Variants in CCNH observed in about 807,000 individuals in gnomAD.
CCNH encodes cyclin-H.
CCNH carries 31 observed loss-of-function variants against 41.9 expected under a neutral mutation model. The observed-to-expected ratio is 0.74, with a 90% confidence interval of 0.56 to 1.00. CCNH has a LOEUF of 1.00. CCNH is among the 50% of genes least tolerant of loss of function. CCNH has a pLI of 0.00. For missense variants in CCNH, 362 were observed against 388.4 expected (o/e 0.93, Z 0.57); for synonymous variants, 138 against 136.1 (o/e 1.01, Z -0.10).
intron 7 of CCNH, 71 bp from the exon 8 acceptor site, chr5:87,395,175 G>T (rs1762841174): frequency 7.3e-7 from 1 of 1,379,072 alleles, no homozygotes; most frequent in African/African-American, 1.4e-5. Context: ...AAATAAACTA[G>T]CAAGGCTATA....
chr5:87,412,413 A>G, intron 1 of CCNH: 1 of 1,240,086 alleles, frequency 8.1e-7, no homozygotes, highest in African/African-American at 1.5e-5. Context: ...CTTGCCACGC[A>G]CTACCTTAGC....
At chr5:87,316,300 G>C (rs1756331826), downstream of CCNH, among the ~76,000 whole-genome samples, 4 of 152,038 alleles carry the variant, frequency 2.6e-5, no homozygotes, top group Admixed American at 2.0e-4. Context: ...TCTTATTGAG[G>C]GCCAGTTGGT....
At chr5:87,373,954 T>TA (rs1425512122), downstream of CCNH, among the ~76,000 whole-genome samples, 2 of 151,948 alleles carry the variant, frequency 1.3e-5, no homozygotes, top group Non-Finnish European at 2.9e-5. Flanking sequence ...GCATTGTTTT[T>TA]ATCTTTTAGG....
chr5:87,326,661 A>G (rs1757252316), intron 9 of CCNH, among the ~76,000 whole-genome samples: 1 of 152,156 alleles, frequency 6.6e-6, no homozygotes, highest in Non-Finnish European at 1.5e-5. Context: ...AGTACATACT[A>G]TCCTTTATAT....
intron 9 of CCNH, among the ~76,000 whole-genome samples, chr5:87,351,502 A>G (rs1759274672): frequency 6.6e-6 from 1 of 151,786 alleles, no homozygotes; most frequent in Middle Eastern, 3.2e-3. Context: ...AAGAGTGCAC[A>G]TGGTTTTATG....
At chr5:87,381,655 T>A (rs906347616), upstream of CCNH, among the ~76,000 whole-genome samples, 1 of 152,190 alleles carries the variant, frequency 6.6e-6, no homozygotes. Flanking sequence ...AGATTCTGTT[T>A]TTCTTGGCAT....
chr5:87,346,751 A>T (rs372279420), intron 9 of CCNH: 1 of 1,470,790 alleles, frequency 6.8e-7, no homozygotes, highest in African/African-American at 1.4e-5. Context: ...TTGCTTTTCT[A>T]ATGTCTATTT....
chr5:87,346,867 T>A lies in CCNH; in HGVS notation c.*91-27970A>T, dbSNP rs1758901080. 5.4e-6 allele frequency: 3 copies of A among 550,506 alleles called. No individual in the cohort carries two copies. The East Asian group carries it at 9.5e-5, about 18-fold the overall frequency. 34.1% of individuals were successfully genotyped at this position (550,506 alleles called of 1,614,324 possible). Reference sequence around the variant, plus strand: ...TTCGTGTCCAGTACTAAGAAGCTGGTGTTTTTATTTATATTTTAAACATAC... The same window carrying A: ...TTCGTGTCCAGTACTAAGAAGCTGGAGTTTTTATTTATATTTTAAACATAC... On this transcript the variant is annotated intron_variant and NMD_transcript_variant, in intron 9 of 9. Transcript: ENST00000645953.
At chr5:87,361,028 A>G (rs1046439380) in intron 9 of CCNH, among the ~76,000 whole-genome samples, 1 of 152,182 alleles carries the variant, frequency 6.6e-6, no homozygotes, top group African/African-American at 2.4e-5. Context: ...ACACACACAC[A>G]TACACACACA....
Position 87,394,503 on chromosome 5 carries a change from G to A in CCNH, c.934-19C>T. 6.2e-7 allele frequency: 1 copy of A among 1,613,332 alleles called. No individual in the cohort carries two copies. The highest frequency in any genetic ancestry group is 8.5e-7 in the Non-Finnish European group (1 of 1,179,522). The stretch of plus-strand genomic sequence containing the variant: ...ATTCTTCCTAAGAAGGAAAAAAAGT[G>A]TGGTAAGGATAACACTGAAGCATAA... On this transcript the variant is annotated intron_variant, in intron 8 of 8. Transcript: ENST00000256897.
At chr5:87,334,606 C>A (rs1221910101) in intron 9 of CCNH, among the ~76,000 whole-genome samples, 3 of 152,140 alleles carry the variant, frequency 2.0e-5, no homozygotes, top group Admixed American at 6.5e-5. Context: ...AATGATGGTA[C>A]AAAAGCAATG....
chr5:87,378,112 A>G (rs1761447047), upstream of CCNH, among the ~76,000 whole-genome samples: 1 of 152,202 alleles, frequency 6.6e-6, no homozygotes, highest in Non-Finnish European at 1.5e-5. Context: ...TGTCTAATTG[A>G]TCTTAAGTCA....
chr5:87,324,952 T>A (rs1336829205), intron 9 of CCNH, among the ~76,000 whole-genome samples: 2 of 152,204 alleles, frequency 1.3e-5, no homozygotes, highest in Non-Finnish European at 2.9e-5. Context: ...TTTTTTAATT[T>A]TTTTATTTTT....
chr5:87,383,798 C>A, intron 9 of CCNH: 1 of 1,574,940 alleles, frequency 6.3e-7, no homozygotes. Flanking sequence ...GCTTTTGATA[C>A]ATTTTGAAAT....
At chr5:87,378,670 C>A, upstream of CCNH, 1 of 920,884 alleles carries the variant, frequency 1.1e-6, no homozygotes, top group Non-Finnish European at 1.6e-6. Flanking sequence ...TTACACCTGT[C>A]TGTAATACAT....
chr5:87,361,100 G>C (rs530864279), intron 9 of CCNH, among the ~76,000 whole-genome samples: 23 of 152,220 alleles, frequency 1.5e-4, no homozygotes, highest in Admixed American at 7.9e-4. Flanking sequence ...CCAGCGGTTG[G>C]CAAAAGTTTT....
At chr5:87,407,260 C>T (rs1763863320) in intron 4 of CCNH, among the ~76,000 whole-genome samples, 1 of 152,146 alleles carries the variant, frequency 6.6e-6, no homozygotes, top group Non-Finnish European at 1.5e-5. Flanking sequence ...ATTGAGCACA[C>T]TGGATATATG....
chr5:87,410,403 A>G (rs1466684772), intron 2 of CCNH, among the ~76,000 whole-genome samples: 2 of 152,152 alleles, frequency 1.3e-5, no homozygotes, highest in Non-Finnish European at 2.9e-5. Context: ...GACATCTCAG[A>G]TGAAAAAAAA....
the CCNH span, among the ~76,000 whole-genome samples, chr5:87,312,665 G>T: frequency 1.3e-5 from 2 of 152,126 alleles, no homozygotes; most frequent in African/African-American, 2.4e-5. Context: ...TTTGCAACTG[G>T]AATCTCAGGG....
Sources: allele counts gnomAD v4.1 joint callset (sites outside exome capture counted in the v4.1 genomes callset), GRCh38; gene constraint gnomAD v4.1.1; transcripts MANE v1.5; gene names NCBI Gene and HGNC (gene_info 2026-07-23, HGNC 2026-07-21).